SOX5: variants seen among roughly 807,000 people sequenced by gnomAD.
The protein encoded by SOX5 is transcription factor SOX-5.
Under a neutral mutation model 92.0 loss-of-function variants are expected in SOX5, and 9 were observed. The ratio of observed to expected loss-of-function variants is 0.10; its 90% CI spans 0.06 to 0.17. The LOEUF (loss-of-function observed/expected upper bound fraction) is 0.17. Ranked by LOEUF, SOX5 falls within the 10% of genes least tolerant of loss-of-function variation. The pLI, the probability that SOX5 is intolerant of heterozygous loss-of-function variation, is 1.00. For synonymous variants in SOX5, 344 were observed against 336.3 expected (o/e 1.02, Z -0.25); for missense variants, 642 against 944.5 (o/e 0.68, Z 4.20).
intron 1 of SOX5, among the ~76,000 whole-genome samples, chr12:24,533,527 T>C (rs544534942): frequency 6.6e-6 from 1 of 152,314 alleles, no homozygotes; most frequent in South Asian, 2.1e-4. Context: ...AAAGAAGGTA[T>C]GTTGTTTTCA....
At chr12:23,982,750 A>G (rs1482562925) in intron 4 of SOX5, among the ~76,000 whole-genome samples, 2 of 152,058 alleles carry the variant, frequency 1.3e-5, no homozygotes, top group African/African-American at 4.8e-5. Context: ...TTAATAATTT[A>G]TTTAACCTAA....
intron 4 of SOX5, among the ~76,000 whole-genome samples, chr12:24,005,486 A>T (rs1309159203): frequency 2.0e-5 from 3 of 152,132 alleles, no homozygotes; most frequent in South Asian, 4.1e-4. Flanking sequence ...TGCATCTACA[A>T]TTCTCTCTGT....
At chr12:23,907,090 C>A (rs2097302166) in intron 1 of SOX5, among the ~76,000 whole-genome samples, 1 of 152,066 alleles carries the variant, frequency 6.6e-6, no homozygotes, top group Admixed American at 6.6e-5. Flanking sequence ...GAATTAATTC[C>A]ATTTCTATTG....
At chr12:23,768,006 G>A (rs2141459918) in intron 3 of SOX5, among the ~76,000 whole-genome samples, 1 of 152,218 alleles carries the variant, frequency 6.6e-6, no homozygotes, top group African/African-American at 2.4e-5. Context: ...GGGGTAGGGA[G>A]GGCTCCAAGG....
At chr12:24,274,672 GAAAAA>G (rs11394481) in intron 3 of SOX5, among the ~76,000 whole-genome samples, 1 of 146,204 alleles carries the variant, frequency 6.8e-6, no homozygotes, top group African/African-American at 2.5e-5. Context: ...GTTTTGAAAG[GAAAAA>G]AAAAAAAAGC....
At chr12:24,197,265 A>C (rs1156982914) in intron 4 of SOX5, among the ~76,000 whole-genome samples, 2 of 152,202 alleles carry the variant, frequency 1.3e-5, no homozygotes, top group African/African-American at 4.8e-5. Context: ...AAGACTCTAT[A>C]TAAAATATTC....
intron 2 of SOX5, among the ~76,000 whole-genome samples, chr12:24,287,931 C>A (rs997915226): frequency 5.9e-5 from 9 of 152,178 alleles, no homozygotes; most frequent in Non-Finnish European, 1.3e-4. Context: ...TATAACAGAT[C>A]ACACCCAGGA....
intron 2 of SOX5, among the ~76,000 whole-genome samples, chr12:24,286,906 A>C (rs1237976814): frequency 6.6e-6 from 1 of 152,174 alleles, no homozygotes; most frequent in Non-Finnish European, 1.5e-5. Context: ...ATGTTTTCTC[A>C]TTGGTAAATT....
intron 1 of SOX5, among the ~76,000 whole-genome samples, chr12:24,426,408 A>G (rs1182910742): frequency 6.6e-6 from 1 of 152,200 alleles, no homozygotes; most frequent in African/African-American, 2.4e-5. Flanking sequence ...ATGTATGTAT[A>G]CCTATGTACC....
At chr12:24,488,341 C>A (rs552555648) in intron 1 of SOX5, among the ~76,000 whole-genome samples, 4 of 152,102 alleles carry the variant, frequency 2.6e-5, no homozygotes, top group South Asian at 2.1e-4. Context: ...GTAATCCCAG[C>A]GCTTTGAGAG....
At chr12:24,014,387 T>C (rs1465304044) in intron 4 of SOX5, among the ~76,000 whole-genome samples, 1 of 152,186 alleles carries the variant, frequency 6.6e-6, no homozygotes, top group Non-Finnish European at 1.5e-5. Context: ...CCAACCTGCC[T>C]AAAGAAGCCC....
At chr12:24,158,103 A>G (rs1952381235) in intron 4 of SOX5, among the ~76,000 whole-genome samples, 1 of 152,084 alleles carries the variant, frequency 6.6e-6, no homozygotes, top group South Asian at 2.1e-4. Context: ...GGAAAAATCC[A>G]ACACATTTAG....
In SOX5 at chr12:23,694,955, C is replaced by T. The variant is rs369085062; in HGVS notation, c.811-29391G>A. ...GCAACATGGTGAAACCCTATCTCTA[C>T]AAAAAATTTTAAAAATTAGCTGGGC... On this transcript the variant is annotated intron_variant, in intron 6 of 14. Coordinates refer to ENST00000451604, the MANE Select transcript of SOX5 (RefSeq NM_006940.6). Among the ~76,000 whole-genome samples the T allele has an allele frequency of 3.6e-4, 55 of 152,038 alleles. 2 individuals carry two copies. In the South Asian group the frequency reaches 5.6e-3, roughly 15 times the overall value.
intron 4 of SOX5, among the ~76,000 whole-genome samples, chr12:24,029,644 C>T (rs1358645914): frequency 1.3e-5 from 2 of 152,016 alleles, no homozygotes; most frequent in Admixed American, 6.6e-5. Context: ...TGTTTAACTG[C>T]GTTGAGCTCC....
chr12:24,170,492 G>A (rs769493050), intron 4 of SOX5, among the ~76,000 whole-genome samples: 2 of 152,170 alleles, frequency 1.3e-5, no homozygotes, highest in African/African-American at 2.4e-5. Flanking sequence ...ACCAGGAGAA[G>A]CAGACTTAAA....
chr12:24,361,231 C>A (rs772397867), intron 2 of SOX5, among the ~76,000 whole-genome samples: 1 of 152,100 alleles, frequency 6.6e-6, no homozygotes, highest in Non-Finnish European at 1.5e-5. Flanking sequence ...CAATGCAGAT[C>A]CCATTTCTTG....
chr12:23,900,580 G>A (rs1006392003), intron 1 of SOX5, among the ~76,000 whole-genome samples: 3 of 152,186 alleles, frequency 2.0e-5, no homozygotes, highest in Admixed American at 1.3e-4. Context: ...AAATTCTGAT[G>A]TTATTGGTTC....
intron 7 of SOX5, 83 bp downstream of exon 7, chr12:23,665,361 C>G: frequency 4.1e-6 from 6 of 1,447,566 alleles, no homozygotes; most frequent in Non-Finnish European, 5.8e-6. Context: ...GATCTCATTT[C>G]TTGGTGTGGC....
At chr12:23,836,011 T>A (rs994771038) in intron 3 of SOX5, among the ~76,000 whole-genome samples, 6 of 151,852 alleles carry the variant, frequency 4.0e-5, no homozygotes, top group Non-Finnish European at 7.4e-5. Context: ...GCATTTTATA[T>A]AAATTATTTA....
Sources: gnomAD v4.1 joint callset for allele counts (sites outside exome capture counted in the v4.1 genomes callset) on GRCh38, gnomAD v4.1.1 for gene constraint, MANE v1.5 for transcripts, NCBI Gene and HGNC (gene_info 2026-07-23, HGNC 2026-07-21) for gene names.